CLDN11: variants seen among roughly 807,000 people sequenced by gnomAD.
The protein encoded by CLDN11 is claudin 11, also known as claudin-11.
CLDN11 carries 1 observed loss-of-function variant against 18.0 expected under a neutral mutation model. The ratio of observed to expected loss-of-function variants is 0.06; its 90% CI spans 0.02 to 0.26. The LOEUF (loss-of-function observed/expected upper bound fraction) is 0.26, where lower values mean the gene tolerates loss of function less well. Ranked by LOEUF, CLDN11 falls within the 10% of genes least tolerant of loss-of-function variation. CLDN11 has a pLI of 1.00. For synonymous variants in CLDN11, 116 were observed against 121.5 expected (o/e 0.96, Z 0.30); for missense variants, 172 against 276.6 (o/e 0.62, Z 2.68).
chr3:170,432,431 G>A (rs1035651956), intron 2 of CLDN11, 93 bp from the exon 3 acceptor site: 122 of 1,566,628 alleles, frequency 7.8e-5, no homozygotes, highest in Non-Finnish European at 9.9e-5. Flanking sequence ...CTGGTTGGAA[G>A]CCACAAGTGT....
At chr3:170,425,984 T>C (rs1008523200) in intron 2 of CLDN11, among the ~76,000 whole-genome samples, 18 of 152,204 alleles carry the variant, frequency 1.2e-4, no homozygotes, top group Non-Finnish European at 2.1e-4. Flanking sequence ...GCATGGGGAC[T>C]GAAGGCTCCC....
At position 170,419,164 on chromosome 3, in the gene CLDN11, C is replaced by T. The variant is rs1306943353; in HGVS notation, c.98C>T (p.Thr33Ile). ...VTTSTNDWVV[T>I]CGYTIPTCRK... Reference sequence around the variant, plus strand: ...ACCTCCACCAATGACTGGGTGGTGACCTGCGGCTACACCATCCCCACCTGC... The same window carrying T: ...ACCTCCACCAATGACTGGGTGGTGATCTGCGGCTACACCATCCCCACCTGC... Residue 33 changes from threonine (T) to isoleucine (I), a missense_variant, in exon 1 of 3, where the codon ACC becomes ATC. Coordinates refer to ENST00000064724, the MANE Select transcript of CLDN11 (RefSeq NM_005602.6). This position sits in a 1 kb window ranked among gnomAD's most constrained non-coding sequence, Gnocchi z 8.6. 1 of 1,553,404 alleles carries T rather than the reference C, an allele frequency of 6.4e-7. No individual in the cohort carries two copies. Among genetic ancestry groups the T allele is most frequent in the Admixed American group, 2.0e-5 (1 of 51,258 alleles).
At chr3:170,424,753 G>A (rs1738805340) in intron 2 of CLDN11, among the ~76,000 whole-genome samples, 1 of 152,150 alleles carries the variant, frequency 6.6e-6, no homozygotes, top group Admixed American at 6.5e-5. Flanking sequence ...TAAGGATAAG[G>A]GGTCAGGGTT....
At chr3:170,425,468 G>A (rs1247641225) in intron 2 of CLDN11, among the ~76,000 whole-genome samples, 6 of 152,198 alleles carry the variant, frequency 3.9e-5, no homozygotes, top group Non-Finnish European at 8.8e-5. Context: ...CAACAGAATT[G>A]TTTAGTTGAA....
intron 1 of CLDN11, chr3:170,421,160 G>A (rs914213941): frequency 3.4e-6 from 1 of 296,568 alleles, no homozygotes; most frequent in Non-Finnish European, 4.9e-6. Flanking sequence ...GGTGGGGGGG[G>A]GGTGGGGGGC....
Position 170,419,030 on chromosome 3 carries a change from G to T in CLDN11, c.-37G>T. On this transcript the variant is annotated 5_prime_UTR_variant, in exon 1 of 3. Transcript: ENST00000064724. This position sits in a 1 kb window ranked among gnomAD's most constrained non-coding sequence, Gnocchi z 8.6. The stretch of plus-strand genomic sequence containing the variant: ...GTCCAGCCCAGGCCCAGGCACAGCC[G>T]TGAGGGGCGAGGCACGGGGACATCC... The T allele has an allele frequency of 6.8e-7, 1 of 1,477,352 alleles. No individual in the cohort carries two copies. Among genetic ancestry groups the T allele is most frequent in the Non-Finnish European group, 9.2e-7 (1 of 1,081,916 alleles). 91.5% of individuals were successfully genotyped at this position (1,477,352 alleles called of 1,614,324 possible). A position where few individuals can be genotyped will look rare whatever the true frequency, so the allele number is the denominator to read the frequency against.
At chr3:170,432,405 A>T (rs767426219) in intron 2 of CLDN11, 119 bp from the exon 3 acceptor site, 23 of 1,513,118 alleles carry the variant, frequency 1.5e-5, no homozygotes, top group Non-Finnish European at 2.0e-5. Context: ...AACTGTGTGT[A>T]TGGAGCTTTT....
Position 170,419,246 on chromosome 3 carries a change from G to A in CLDN11, c.180G>A (p.Thr60=). 1 of 1,575,730 alleles carries A rather than the reference G, an allele frequency of 6.3e-7. No individual in the cohort carries two copies. The highest frequency in any genetic ancestry group is 8.6e-7 in the Non-Finnish European group (1 of 1,160,994). Residue 60 remains threonine (T), a synonymous_variant, in exon 1 of 3, where the codon ACG becomes ACA. Coordinates refer to ENST00000064724, the MANE Select transcript of CLDN11 (RefSeq NM_005602.6). The surrounding 1 kb of genome is among the most constrained non-coding windows in gnomAD (Gnocchi z 8.6). ...TGTGGGCCGACTGCGTCATGGCCAC[G>A]GGGCTGTACCACTGCAAGCCCCTGG... ...KGLWADCVMA[T]GLYHCKPLVD...
chr3:170,432,425 T>C (rs887608262), intron 2 of CLDN11, 99 bp from the exon 3 acceptor site: 2 of 1,555,344 alleles, frequency 1.3e-6, no homozygotes, highest in African/African-American at 2.7e-5. Flanking sequence ...TTGGAGCTGG[T>C]TGGAAGCCAC....
At chr3:170,431,898 G>A (rs1361712581) in intron 2 of CLDN11, among the ~76,000 whole-genome samples, 2 of 152,196 alleles carry the variant, frequency 1.3e-5, no homozygotes, top group East Asian at 3.8e-4. Context: ...TTTTCATCTA[G>A]CAACATTCAC....
chr3:170,423,039 C>A, intron 1 of CLDN11, 124 bp from the exon 2 acceptor site: 1 of 1,030,408 alleles, frequency 9.7e-7, no homozygotes, highest in South Asian at 1.4e-5. Context: ...ACATTAGCAC[C>A]TTCTAAGTCC....
chr3:170,418,900 G>T lies in CLDN11; in HGVS notation c.-167G>T, dbSNP rs1178397620. On this transcript the variant is annotated 5_prime_UTR_variant, in exon 1 of 3. Coordinates refer to ENST00000064724, the MANE Select transcript of CLDN11 (RefSeq NM_005602.6). This position sits in a 1 kb window ranked among gnomAD's most constrained non-coding sequence, Gnocchi z 4.3. ...CTGTCCCCGCCGTGCGCCCTTCGCC[G>T]CTGAGCTCGCAGCCTCCGGCGCCCA... The T allele has an allele frequency of 1.6e-5, 9 of 574,232 alleles. No individual in the cohort carries two copies. The East Asian group carries it at 2.1e-4, about 14-fold the overall frequency. The allele number at this position is 574,232 out of a possible 1,614,324, so 35.6% of individuals were successfully genotyped here.
At position 170,419,899 on chromosome 3, in the gene CLDN11, C is replaced by A. The variant is rs1034893429; in HGVS notation, c.226+607C>A. On this transcript the variant is annotated intron_variant, in intron 1 of 2. Transcript: ENST00000064724. This position sits in a 1 kb window ranked among gnomAD's most constrained non-coding sequence, Gnocchi z 8.6. ...GGGAAATGTCACGTTGATTCCCGCA[C>A]GTGCCCAGGGCCATCTCCGCTGCCC... is the stretch of plus-strand genomic sequence containing the variant. Among the ~76,000 whole-genome samples the A allele has an allele frequency of 1.3e-5, 2 of 152,276 alleles. No homozygotes were observed. Among genetic ancestry groups the A allele is most frequent in the African/African-American group, 4.8e-5 (2 of 41,480 alleles).
At chr3:170,429,838 CAT>C (rs1738952110) in intron 2 of CLDN11, among the ~76,000 whole-genome samples, 1 of 152,206 alleles carries the variant, frequency 6.6e-6, no homozygotes, top group African/African-American at 2.4e-5. Context: ...TGCTTTCCTG[CAT>C]GTGTGTGCAC....
In CLDN11 at chr3:170,422,371, C is replaced by A. The variant is rs572968800; in HGVS notation, c.227-792C>A. Among the ~76,000 whole-genome samples the A allele has an allele frequency of 3.5e-3, 540 of 152,260 alleles. 3 individuals carry two copies. The highest frequency in any genetic ancestry group is 0.012 in the African/African-American group (517 of 41,552). ...AACTAATGTAATCTTCAGTAGAATT[C>A]TATTACAGAGATGTAGGTACTATTA... is the stretch of plus-strand genomic sequence containing the variant. On this transcript the variant is annotated intron_variant, in intron 1 of 2. Coordinates refer to ENST00000064724, the MANE Select transcript of CLDN11 (RefSeq NM_005602.6).
chr3:170,421,971 C>T (rs16855044), intron 1 of CLDN11, among the ~76,000 whole-genome samples: 9 of 152,276 alleles, frequency 5.9e-5, no homozygotes, highest in East Asian at 3.9e-4. Flanking sequence ...GTGTTAACTC[C>T]GTGAATACCA....
rs151091517 is a variant in CLDN11, at chr3:170,424,279, G to T, written c.391+952G>T. 3.2e-4 allele frequency among the ~76,000 whole-genome samples: 49 copies of T among 152,202 alleles called. 1 individual carries two copies. The highest frequency in any genetic ancestry group is 2.7e-3 in the East Asian group (14 of 5,172). ...ATATGGTATGTGCTCATGTAGAAAA[G>T]GTATATAGTCTGTGCATACACATAG... On this transcript the variant is annotated intron_variant, in intron 2 of 2. Transcript: ENST00000064724.
intron 1 of CLDN11, chr3:170,421,176 T>A: frequency 2.3e-6 from 1 of 441,370 alleles, no homozygotes; most frequent in Non-Finnish European, 3.0e-6. Flanking sequence ...GGGGCGGCGC[T>A]AGTCCTTCCT....
chr3:170,422,551 T>G (rs1273355781), intron 1 of CLDN11, among the ~76,000 whole-genome samples: 5 of 152,140 alleles, frequency 3.3e-5, no homozygotes, highest in Non-Finnish European at 1.5e-5. Flanking sequence ...CCTCCCCAAG[T>G]AGCTGGGACT....
Sources: gnomAD v4.1 joint callset for allele counts (sites outside exome capture counted in the v4.1 genomes callset) on GRCh38, gnomAD v4.1.1 for gene constraint, Gnocchi (gnomAD v3.1) non-coding constraint, MANE v1.5 for transcripts, NCBI Gene and HGNC (gene_info 2026-07-23, HGNC 2026-07-21) for gene names.